WWP2: variants seen among roughly 807,000 people sequenced by gnomAD.
WWP2 encodes the protein NEDD4-like E3 ubiquitin-protein ligase WWP2.
In WWP2, 57 loss-of-function variants were observed where a neutral mutation model predicts 121.0. That is an observed-to-expected ratio of 0.47 (90% CI 0.38 to 0.59). The LOEUF (loss-of-function observed/expected upper bound fraction) is 0.59. Ranked by LOEUF, WWP2 falls within the 20% of genes least tolerant of loss-of-function variation. The pLI, the probability that WWP2 is intolerant of heterozygous loss-of-function variation, is 0.00. For missense variants in WWP2, 962 were observed against 1,158.9 expected, an observed-to-expected ratio of 0.83 and a Z score of 2.47; for synonymous variants, 449 against 441.3, an observed-to-expected ratio of 1.02 and a Z score of -0.22.
intron 1 of WWP2, among the ~76,000 whole-genome samples, chr16:69,765,595 G>A (rs1227504101): frequency 2.0e-5 from 3 of 152,160 alleles, no homozygotes; most frequent in African/African-American, 7.2e-5. Flanking sequence ...AGGCTGAGAC[G>A]GGCGGATCAC....
chr16:69,775,450 C>T (rs556016318), intron 1 of WWP2, among the ~76,000 whole-genome samples: 2 of 152,262 alleles, frequency 1.3e-5, no homozygotes, highest in Admixed American at 6.5e-5. Flanking sequence ...CTGATGAGCC[C>T]ATCAAGGCAT....
At chr16:69,874,883 G>A (rs988269214) in intron 7 of WWP2, among the ~76,000 whole-genome samples, 14 of 152,100 alleles carry the variant, frequency 9.2e-5, no homozygotes, top group Non-Finnish European at 1.8e-4. Context: ...AAAGTTGGGC[G>A]TGGTGACATG....
At chr16:69,898,097 G>A (rs1184096589) in intron 8 of WWP2, among the ~76,000 whole-genome samples, 3 of 140,200 alleles carry the variant, frequency 2.1e-5, no homozygotes, top group South Asian at 2.3e-4. Flanking sequence ...GCACAATCTC[G>A]GCTCACTGCA....
chr16:69,866,863 A>C (rs2057534737), intron 6 of WWP2, among the ~76,000 whole-genome samples: 1 of 150,532 alleles, frequency 6.6e-6, no homozygotes, highest in African/African-American at 2.4e-5. Flanking sequence ...TTTGAGACGG[A>C]GTCTCGCTCT....
At chr16:69,923,178 C>T (rs1328189214) in intron 10 of WWP2, among the ~76,000 whole-genome samples, 2 of 152,090 alleles carry the variant, frequency 1.3e-5, no homozygotes, top group South Asian at 2.1e-4. Flanking sequence ...GCCTGAGCCA[C>T]GGCACCCGGC....
At chr16:69,780,970 G>A (rs763144507) in intron 1 of WWP2, among the ~76,000 whole-genome samples, 1 of 152,212 alleles carries the variant, frequency 6.6e-6, no homozygotes, top group Non-Finnish European at 1.5e-5. Flanking sequence ...CAAGGTTGTA[G>A]TGAGCTATGA....
chr16:69,843,141 C>T (rs2057010550), intron 6 of WWP2, among the ~76,000 whole-genome samples: 1 of 152,044 alleles, frequency 6.6e-6, no homozygotes, highest in Admixed American at 6.6e-5. Flanking sequence ...GTTATTCTTC[C>T]AGGATACACA....
At chr16:69,893,789 C>G (rs2058066801) in intron 8 of WWP2, among the ~76,000 whole-genome samples, 1 of 152,186 alleles carries the variant, frequency 6.6e-6, no homozygotes, top group South Asian at 2.1e-4. Context: ...AGTGATCCAC[C>G]TGCCTCGGCC....
At chr16:69,908,563 T>C (rs1028414284) in intron 8 of WWP2, among the ~76,000 whole-genome samples, 198 bp from the exon 9 acceptor site, 1 of 152,240 alleles carries the variant, frequency 6.6e-6, no homozygotes, top group African/African-American at 2.4e-5. Flanking sequence ...AGGGGAGCTA[T>C]TATAGTTTCT....
chr16:69,925,216 G>A lies in WWP2; in HGVS notation c.1180-214G>A, dbSNP rs2151982156. 1 of 1,418,822 alleles carries A rather than the reference G, an allele frequency of 7.0e-7. No homozygotes were observed. The highest frequency in any genetic ancestry group is 2.5e-5 in the East Asian group (1 of 40,032). 87.9% of individuals were successfully genotyped at this position (1,418,822 alleles called of 1,614,324 possible). On this transcript the variant is annotated intron_variant, in intron 10 of 23. Transcript: ENST00000359154. This position sits in a 1 kb window ranked among gnomAD's most constrained non-coding sequence, Gnocchi z 4.0. Reference sequence around the variant, plus strand: ...TCCAAAACTCACTTGGGCCCTCCGTGCGCAGGGTTCTTTTTTGGTTTTTCT... The same window carrying A: ...TCCAAAACTCACTTGGGCCCTCCGTACGCAGGGTTCTTTTTTGGTTTTTCT...
chr16:69,924,383 C>A (rs1258077800), intron 10 of WWP2, among the ~76,000 whole-genome samples: 1 of 152,122 alleles, frequency 6.6e-6, no homozygotes, highest in Admixed American at 6.5e-5. Flanking sequence ...AGAACTTGAT[C>A]CCCTCTTATA....
In WWP2 at chr16:69,901,735, T is replaced by C. The variant is rs571075847; in HGVS notation, c.915-7026T>C. Among the ~76,000 whole-genome samples, 23 of 152,326 alleles carry C rather than the reference T, an allele frequency of 1.5e-4. No individual in the cohort carries two copies. In the East Asian group the frequency reaches 3.5e-3, roughly 23 times the overall value. On this transcript the variant is annotated intron_variant, in intron 8 of 23. Coordinates refer to ENST00000359154, the MANE Select transcript of WWP2 (RefSeq NM_001270454.2). Reference sequence around the variant, plus strand: ...GAATAATACAAGCTGATAATGCTCTTACCAAGACTGAAATTTTGACCATTT... The same window carrying C: ...GAATAATACAAGCTGATAATGCTCTCACCAAGACTGAAATTTTGACCATTT...
In WWP2 at chr16:69,925,151, C is replaced by A; in HGVS notation, c.1180-279C>A. The A allele has an allele frequency of 8.3e-7, 1 of 1,199,696 alleles. No homozygotes were observed. The allele number at this position is 1,199,696 out of a possible 1,614,324, so 74.3% of individuals were successfully genotyped here. ...CCCTGCCTCCGCCACCCTGGCACACCTTCACCCGCGTACCGCCTCCTCCCC... is the reference window on the plus strand; with the variant it reads ...CCCTGCCTCCGCCACCCTGGCACACATTCACCCGCGTACCGCCTCCTCCCC... On this transcript the variant is annotated intron_variant, in intron 10 of 23. Coordinates refer to ENST00000359154, the MANE Select transcript of WWP2 (RefSeq NM_001270454.2). This position sits in a 1 kb window ranked among gnomAD's most constrained non-coding sequence, Gnocchi z 4.0.
At chr16:69,770,837 G>A (rs1166325193) in intron 1 of WWP2, among the ~76,000 whole-genome samples, 4 of 151,918 alleles carry the variant, frequency 2.6e-5, no homozygotes, top group Non-Finnish European at 4.4e-5. Flanking sequence ...TCTGGTGTCA[G>A]AAGTATTCTG....
chr16:69,797,357 T>A (rs1375114834), intron 2 of WWP2, among the ~76,000 whole-genome samples: 1 of 152,156 alleles, frequency 6.6e-6, no homozygotes, highest in South Asian at 2.1e-4. Flanking sequence ...ATATGCAGCA[T>A]GATGTGGAAT....
chr16:69,820,718 C>G (rs1292720417), intron 4 of WWP2, among the ~76,000 whole-genome samples: 3 of 89,190 alleles, frequency 3.4e-5, no homozygotes, highest in Non-Finnish European at 8.9e-5. Context: ...TTATTTTTCT[C>G]ATTCATTGTC....
At chr16:69,909,190 A>G (rs2058345421) in intron 9 of WWP2, 1 of 1,027,168 alleles carries the variant, frequency 9.7e-7, no homozygotes, top group Non-Finnish European at 1.2e-6. Flanking sequence ...ATCCAAAACC[A>G]AAGGATGAGA....
At chr16:69,843,340 G>C (rs903382374) in intron 6 of WWP2, among the ~76,000 whole-genome samples, 2 of 152,022 alleles carry the variant, frequency 1.3e-5, no homozygotes, top group African/African-American at 4.8e-5. Context: ...ACCTGTGTTA[G>C]TGGTGCAAAC....
intron 4 of WWP2, among the ~76,000 whole-genome samples, chr16:69,822,466 TGC>T (rs372519122): frequency 6.6e-6 from 1 of 152,262 alleles, no homozygotes; most frequent in African/African-American, 2.4e-5. Context: ...TTGTGACAGA[TGC>T]GATGGAGCAA....
Sources: gnomAD v4.1 joint callset for allele counts (sites outside exome capture counted in the v4.1 genomes callset) on GRCh38, gnomAD v4.1.1 for gene constraint, Gnocchi (gnomAD v3.1) non-coding constraint, MANE v1.5 for transcripts, NCBI Gene and HGNC (gene_info 2026-07-23, HGNC 2026-07-21) for gene names.